The following MMP16 variants were observed in gnomAD, a reference collection of about 807,000 sequenced individuals.
MMP16 encodes the protein matrix metalloproteinase-16.
A neutral mutation model predicts 67.8 loss-of-function variants in MMP16; 12 were observed. That is an observed-to-expected ratio of 0.18 (90% confidence interval 0.11 to 0.29). The LOEUF (loss-of-function observed/expected upper bound fraction) is 0.29, where lower values mean the gene tolerates loss of function less well. Among genes scored for constraint, MMP16 ranks in the 10% least tolerant of loss-of-function variants. The probability of loss-of-function intolerance (pLI) is 1.00; values close to 1 mark genes in which losing one functional copy is unlikely to be tolerated. For missense variants in MMP16, 475 were observed against 765.7 expected, an observed-to-expected ratio of 0.62 and a Z score of 4.48; for synonymous variants, 249 against 255.9, an observed-to-expected ratio of 0.97 and a Z score of 0.26.
intron 6 of MMP16, among the ~76,000 whole-genome samples, chr8:88,075,976 A>ACACACACACACACAC (rs1400489880): frequency 2.2e-5 from 1 of 46,064 alleles, no homozygotes; most frequent in Non-Finnish European, 4.6e-5. Flanking sequence ...CACACACACA[A>ACACACACACACACAC]AATCTACTGA....
chr8:88,159,700 G>A (rs1333626541), intron 4 of MMP16, among the ~76,000 whole-genome samples: 1 of 152,182 alleles, frequency 6.6e-6, no homozygotes, highest in East Asian at 1.9e-4. Context: ...GGGCATCCCT[G>A]TCTTGTGCCA....
chr8:88,194,613 G>T (rs529163138), intron 2 of MMP16, among the ~76,000 whole-genome samples: 112 of 152,032 alleles, frequency 7.4e-4, no homozygotes, highest in African/African-American at 2.7e-3. Context: ...AGCAAATGAA[G>T]CCACCGGGTT....
chr8:88,250,597 TC>T (rs1810194666), intron 1 of MMP16, among the ~76,000 whole-genome samples: 1 of 151,896 alleles, frequency 6.6e-6, no homozygotes, highest in South Asian at 2.1e-4. Flanking sequence ...ACAATATCTA[TC>T]CTATACAAAC....
At chr8:88,250,318 G>T (rs1476210569) in intron 1 of MMP16, among the ~76,000 whole-genome samples, 1 of 151,994 alleles carries the variant, frequency 6.6e-6, no homozygotes, top group Non-Finnish European at 1.5e-5. Flanking sequence ...CAGGAATCAT[G>T]TCTTTCTTAG....
chr8:88,252,395 T>C (rs117892542), intron 1 of MMP16, among the ~76,000 whole-genome samples: 1 of 152,186 alleles, frequency 6.6e-6, no homozygotes, highest in East Asian at 1.9e-4. Context: ...TCTCAGTCAC[T>C]ACAAGTAACA....
At chr8:88,211,944 C>T (rs375369688) in intron 1 of MMP16, among the ~76,000 whole-genome samples, 1 of 152,120 alleles carries the variant, frequency 6.6e-6, no homozygotes, top group African/African-American at 2.4e-5. Flanking sequence ...GCTCAATTCT[C>T]CTAAAGGCTT....
chr8:88,219,796 C>T (rs894344154), intron 1 of MMP16, among the ~76,000 whole-genome samples: 2 of 152,100 alleles, frequency 1.3e-5, no homozygotes, highest in Non-Finnish European at 2.9e-5. Context: ...CACTAGCATC[C>T]TTAATGCCAT....
chr8:88,104,738 G>T (rs891850857), intron 6 of MMP16, among the ~76,000 whole-genome samples: 28 of 151,548 alleles, frequency 1.8e-4, no homozygotes, highest in African/African-American at 6.8e-4. Flanking sequence ...AAGGTCCTTC[G>T]GGAGGTATTC....
At chr8:88,263,186 A>G (rs1810418087) in intron 1 of MMP16, among the ~76,000 whole-genome samples, 1 of 152,042 alleles carries the variant, frequency 6.6e-6, no homozygotes, top group Non-Finnish European at 1.5e-5. Context: ...TAATAATGTC[A>G]TTTTCTATTG....
intron 7 of MMP16, among the ~76,000 whole-genome samples, chr8:88,071,463 G>A (rs1250499578): frequency 6.6e-6 from 1 of 151,574 alleles, no homozygotes; most frequent in Non-Finnish European, 1.5e-5. Flanking sequence ...TATAATAATT[G>A]TCTAGCACAG....
chr8:88,257,712 T>C lies in MMP16; in HGVS notation c.133-60406A>G, dbSNP rs537038697. On this transcript the variant is annotated intron_variant, in intron 1 of 9. Coordinates refer to ENST00000286614, the MANE Select transcript of MMP16 (RefSeq NM_005941.5). ...AAACACTATGCATTGAACAAATATT[T>C]GTTAATCTGACTAAATGAACAAATA... Among the ~76,000 whole-genome samples the C allele has an allele frequency of 3.9e-5, 6 of 152,366 alleles. No homozygotes were observed. The South Asian group carries it at 1.2e-3, about 32-fold the overall frequency.
At chr8:88,161,640 T>C (rs1808625674) in intron 4 of MMP16, among the ~76,000 whole-genome samples, 1 of 152,148 alleles carries the variant, frequency 6.6e-6, no homozygotes, top group South Asian at 2.1e-4. Context: ...TTAATTGTGA[T>C]GTTAGGGTGT....
intron 3 of MMP16, among the ~76,000 whole-genome samples, chr8:88,181,282 A>G (rs1186831633): frequency 6.6e-6 from 1 of 152,076 alleles, no homozygotes; most frequent in African/African-American, 2.4e-5. Flanking sequence ...CTCTATTTGA[A>G]AAGTACCAAT....
intron 4 of MMP16, among the ~76,000 whole-genome samples, chr8:88,149,103 C>CG (rs1238059153): frequency 3.3e-5 from 5 of 152,174 alleles, no homozygotes; most frequent in Non-Finnish European, 7.3e-5. Flanking sequence ...GGGTGACGGA[C>CG]GCACCTGGAA....
chr8:88,185,648 A>G (rs1809061290), intron 3 of MMP16, among the ~76,000 whole-genome samples: 1 of 152,162 alleles, frequency 6.6e-6, no homozygotes, highest in Non-Finnish European at 1.5e-5. Flanking sequence ...CCCTCTCACC[A>G]AAGTATCTTT....
chr8:88,118,686 CAGTAGT>C lies in MMP16; in HGVS notation c.871+8_871+13del. ...CACTATCGGATTAAGCAAATTGAAA[CAGTAGT>C]AACCTACCATATATCTTCTGGATGC... On this transcript the variant is annotated splice_region_variant and intron_variant, in intron 5 of 9. Transcript: ENST00000286614. 6.2e-7 allele frequency: 1 copy of C among 1,607,534 alleles called. No individual in the cohort carries two copies. Among genetic ancestry groups the C allele is most frequent in the Non-Finnish European group, 8.5e-7 (1 of 1,176,154 alleles).
At chr8:88,274,042 G>A (rs1004082042) in intron 1 of MMP16, among the ~76,000 whole-genome samples, 1 of 152,046 alleles carries the variant, frequency 6.6e-6, no homozygotes, top group Non-Finnish European at 1.5e-5. Flanking sequence ...AGTTTTATGG[G>A]AAGAGAAGAA....
chr8:88,090,820 C>G lies in MMP16; in HGVS notation c.1084-16077G>C, dbSNP rs1252482924. Among the ~76,000 whole-genome samples, 5 of 151,870 alleles carry G rather than the reference C, an allele frequency of 3.3e-5. No homozygotes were observed. The East Asian group carries it at 7.8e-4, about 24-fold the overall frequency. ...GTAATACTGAAATAGCTTTTGTGGT[C>G]TGGATATGTCTCATGTGATCCAATG... On this transcript the variant is annotated intron_variant, in intron 6 of 9. Coordinates refer to ENST00000286614, the MANE Select transcript of MMP16 (RefSeq NM_005941.5).
At chr8:88,110,494 C>CCT (rs532315256) in intron 6 of MMP16, among the ~76,000 whole-genome samples, 24 of 151,434 alleles carry the variant, frequency 1.6e-4, no homozygotes, top group Non-Finnish European at 2.8e-4. Flanking sequence ...ACGATTGCTC[C>CCT]CTTTGGTCTT....
Sources: gnomAD v4.1 joint callset for allele counts (sites outside exome capture counted in the v4.1 genomes callset) on GRCh38, gnomAD v4.1.1 for gene constraint, MANE v1.5 for transcripts, NCBI Gene and HGNC (gene_info 2026-07-23, HGNC 2026-07-21) for gene names.